HYDIN: variants seen among roughly 807,000 people sequenced by gnomAD.
The protein encoded by HYDIN is axonemal central pair apparatus protein HYDIN.
Under a neutral mutation model 403.9 loss-of-function variants are expected in HYDIN, and 132 were observed. The observed-to-expected ratio is 0.33, with a 90% CI of 0.28 to 0.38. The LOEUF is 0.38. Among genes scored for constraint, HYDIN ranks in the 10% least tolerant of loss-of-function variants. HYDIN has a pLI of 1.00. For synonymous variants in HYDIN, 1,202 were observed against 1,891.7 expected (o/e 0.64, Z 9.46); for missense variants, 2,827 against 5,009.5 (o/e 0.56, Z 13.15).
At chr16:71,033,116 GAAATACATA>G (rs930467619) in intron 18 of HYDIN, among the ~76,000 whole-genome samples, 1 of 151,034 alleles carries the variant, frequency 6.6e-6, no homozygotes, top group African/African-American at 2.4e-5. Flanking sequence ...GGTGTTGTGG[GAAATACATA>G]AACACCCCGA....
chr16:70,909,881 G>C (rs146143962), intron 47 of HYDIN, among the ~76,000 whole-genome samples: 1 of 150,268 alleles, frequency 6.7e-6, no homozygotes, highest in Non-Finnish European at 1.5e-5. Flanking sequence ...ATTTTTAGTA[G>C]AGACGGGGTT....
chr16:70,893,156 G>A (rs1377090717), intron 55 of HYDIN, among the ~76,000 whole-genome samples: 1 of 152,242 alleles, frequency 6.6e-6, no homozygotes, highest in African/African-American at 2.4e-5. Flanking sequence ...CTGCACCCCT[G>A]TGCTTCCTTG....
At chr16:70,894,946 T>G (rs1798457) in intron 54 of HYDIN, among the ~76,000 whole-genome samples, 1 of 152,274 alleles carries the variant, frequency 6.6e-6, no homozygotes, top group Non-Finnish European at 1.5e-5. Flanking sequence ...GTGTTCTTTG[T>G]GGCTGCATAA....
intron 58 of HYDIN, among the ~76,000 whole-genome samples, chr16:70,887,997 C>G (rs971960143): frequency 1.3e-5 from 2 of 152,164 alleles, no homozygotes; most frequent in Non-Finnish European, 2.9e-5. Context: ...TTCACTGATT[C>G]TTTTCCTCTG....
chr16:71,175,386 A>G (rs539597748), intron 5 of HYDIN, among the ~76,000 whole-genome samples: 12 of 151,916 alleles, frequency 7.9e-5, no homozygotes, highest in African/African-American at 2.7e-4. Flanking sequence ...TATCACCACC[A>G]TCTATACTAC....
At chr16:70,893,341 CTT>C (rs2041587278) in intron 55 of HYDIN, among the ~76,000 whole-genome samples, 1 of 151,898 alleles carries the variant, frequency 6.6e-6, no homozygotes, top group Admixed American at 6.5e-5. Flanking sequence ...GGAAAAGTCT[CTT>C]TGTCATCTGT....
chr16:71,215,779 A>G (rs2088845648), intron 1 of HYDIN, among the ~76,000 whole-genome samples: 1 of 123,460 alleles, frequency 8.1e-6, no homozygotes, highest in East Asian at 2.9e-4. Flanking sequence ...ACAAAACAAT[A>G]TTAAAAAAAA....
intron 1 of HYDIN, among the ~76,000 whole-genome samples, chr16:71,197,332 A>G (rs1409838156): frequency 6.6e-6 from 1 of 152,216 alleles, no homozygotes; most frequent in African/African-American, 2.4e-5. Context: ...GATGAAACTC[A>G]GTGATACGGT....
intron 36 of HYDIN, among the ~76,000 whole-genome samples, chr16:70,965,887 T>C (rs1481582906): frequency 1.3e-5 from 2 of 152,090 alleles, no homozygotes; most frequent in Admixed American, 6.5e-5. Flanking sequence ...GCTGTAGTAA[T>C]AGACAGAGTG....
Position 70,804,186 on chromosome 16 carries a change from G to T in HYDIN, c.*3394C>A, listed in dbSNP as rs1233100243. On this transcript the variant is annotated 3_prime_UTR_variant, in exon 86 of 86. Transcript: ENST00000393567. ...CAGCCTGGAAGAGGGTTCACACTGG[G>T]GCAGGATCTGAGCTTGGCTCTTGGT... 6.6e-6 allele frequency among the ~76,000 whole-genome samples: 1 copy of T among 152,208 alleles called. No homozygotes were observed. Among genetic ancestry groups the T allele is most frequent in the Non-Finnish European group, 1.5e-5 (1 of 68,052 alleles).
At chr16:70,864,659 T>C (rs1352740870) in intron 67 of HYDIN, among the ~76,000 whole-genome samples, 5 of 144,306 alleles carry the variant, frequency 3.5e-5, no homozygotes, top group Non-Finnish European at 7.5e-5. Flanking sequence ...CTTGTGTTTA[T>C]TTTGTAAATT....
At chr16:71,189,787 C>CA (rs2087338922) in intron 1 of HYDIN, among the ~76,000 whole-genome samples, 1 of 137,968 alleles carries the variant, frequency 7.2e-6, no homozygotes, top group African/African-American at 2.7e-5. Context: ...AAAAAACAAA[C>CA]AACAATATTT....
chr16:70,889,737 T>A, intron 57 of HYDIN, 33 bp from the exon 58 acceptor site: 1 of 632,632 alleles, frequency 1.6e-6, no homozygotes, highest in South Asian at 1.8e-5. Context: ...ACCCTTAGAT[T>A]GTGGGGTCGG....
rs201062206 is a variant in HYDIN at position 71,059,259 on chromosome 16, C to A, written c.2529+1245G>T. Among the ~76,000 whole-genome samples, 177 of 151,986 alleles carry A rather than the reference C, an allele frequency of 1.2e-3. No homozygotes were observed. In the East Asian group the frequency reaches 0.026, roughly 22 times the overall value. The stretch of plus-strand genomic sequence containing the variant: ...GAATGGTATTTTCTAGGTTATCTTC[C>A]AGGATTTTTATAGTTTTAGGTTTTA... On this transcript the variant is annotated intron_variant, in intron 18 of 85. Transcript: ENST00000393567.
intron 10 of HYDIN, among the ~76,000 whole-genome samples, chr16:71,106,048 G>A (rs1266306120): frequency 1.3e-5 from 2 of 152,026 alleles, no homozygotes; most frequent in Non-Finnish European, 2.9e-5. Context: ...GTGCTTCAGT[G>A]ACTGCCAGCT....
At chr16:70,996,518 G>A (rs1427044099) in intron 23 of HYDIN, among the ~76,000 whole-genome samples, 1 of 151,944 alleles carries the variant, frequency 6.6e-6, no homozygotes, top group African/African-American at 2.4e-5. Context: ...CCTGGGGGCT[G>A]TGTTAGTAAG....
intron 7 of HYDIN, among the ~76,000 whole-genome samples, chr16:71,150,479 C>T (rs2189651): frequency 2.5e-4 from 38 of 152,124 alleles, no homozygotes; most frequent in African/African-American, 7.2e-5. Flanking sequence ...CAGAACAAGA[C>T]GGAAAACAGC....
At chr16:71,185,594 C>T (rs1327843778) in intron 2 of HYDIN, among the ~76,000 whole-genome samples, 1 of 151,988 alleles carries the variant, frequency 6.6e-6, no homozygotes, top group Non-Finnish European at 1.5e-5. Flanking sequence ...CAGCAGATCC[C>T]ACAGCCAGTC....
intron 76 of HYDIN, among the ~76,000 whole-genome samples, chr16:70,838,758 A>G (rs978505179): frequency 2.6e-5 from 4 of 151,398 alleles, no homozygotes; most frequent in African/African-American, 9.7e-5. Context: ...TGTTGTGAGG[A>G]TTAAATGAGA....
Sources: allele counts gnomAD v4.1 joint callset (sites outside exome capture counted in the v4.1 genomes callset), GRCh38; gene constraint gnomAD v4.1.1; transcripts MANE v1.5; gene names NCBI Gene and HGNC (gene_info 2026-07-23, HGNC 2026-07-21).